Variants in ARHGAP42 observed in about 807,000 individuals in gnomAD.
ARHGAP42 encodes rho GTPase-activating protein 42.
ARHGAP42 carries 63 observed loss-of-function variants against 125.0 expected under a neutral mutation model. The observed-to-expected ratio is 0.50, with a 90% CI of 0.41 to 0.62. The LOEUF (loss-of-function observed/expected upper bound fraction) is 0.62. ARHGAP42 is among the 20% of genes least tolerant of loss of function. ARHGAP42 has a pLI of 0.00. For synonymous variants in ARHGAP42, 339 were observed against 351.0 expected (o/e 0.97, Z 0.38); for missense variants, 766 against 1,024.2 (o/e 0.75, Z 3.44).
chr11:100,753,111 A>G (rs185571400), intron 1 of ARHGAP42, among the ~76,000 whole-genome samples: 1 of 152,134 alleles, frequency 6.6e-6, no homozygotes, highest in Non-Finnish European at 1.5e-5. Flanking sequence ...TGGGTCAGGC[A>G]GGCCCTTGCT....
At chr11:100,805,332 A>G (rs1388887205) in intron 3 of ARHGAP42, among the ~76,000 whole-genome samples, 2 of 152,236 alleles carry the variant, frequency 1.3e-5, no homozygotes, top group Admixed American at 1.3e-4. Flanking sequence ...TGTTGATATC[A>G]TATGTAAGAT....
chr11:100,698,725 A>G (rs572653806), intron 1 of ARHGAP42, among the ~76,000 whole-genome samples: 1 of 152,272 alleles, frequency 6.6e-6, no homozygotes, highest in East Asian at 1.9e-4. Flanking sequence ...TCATTTTTTT[A>G]TAATTGGTTA....
rs1858303007 is a variant in ARHGAP42, at chr11:100,973,306, T to C, written c.1682T>C (p.Val561Ala). Residue 561 changes from valine to alanine, a missense_variant, in exon 18 of 24, where the codon GTA becomes GCA. By Grantham distance (64) the Val-to-Ala change is moderately conservative (BLOSUM62 0). This residue lies in a region of ARHGAP42 where 308 missense variants were observed against 369.7 expected (regional missense o/e 0.83). Coordinates refer to ENST00000298815, the MANE Select transcript of ARHGAP42 (RefSeq NM_152432.4). ...AATATTAAATTTCAGAATATTGTGG[T>C]AGAAATTCTGATAGAGCACTATGAA... is the stretch of plus-strand genomic sequence containing the variant. ...MMNIKFQNIV[V>A]EILIEHYEKI... 6.4e-7 allele frequency: 1 copy of C among 1,550,696 alleles called. No homozygotes were observed. Among genetic ancestry groups the C allele is most frequent in the South Asian group, 1.2e-5 (1 of 83,926 alleles).
At chr11:100,797,787 C>T (rs61890783) in intron 3 of ARHGAP42, among the ~76,000 whole-genome samples, 1 of 152,110 alleles carries the variant, frequency 6.6e-6, no homozygotes, top group Non-Finnish European at 1.5e-5. Context: ...TTAAGAAATA[C>T]ATTTTTTCAA....
chr11:100,723,554 A>G (rs1194043217), intron 1 of ARHGAP42, among the ~76,000 whole-genome samples: 2 of 151,844 alleles, frequency 1.3e-5, no homozygotes, highest in East Asian at 3.9e-4. Context: ...AATGATGTTG[A>G]GTTTTAAATT....
At chr11:100,774,873 T>TTTTTG (rs1429945235) in intron 2 of ARHGAP42, among the ~76,000 whole-genome samples, 1 of 152,110 alleles carries the variant, frequency 6.6e-6, no homozygotes, top group East Asian at 1.9e-4. Context: ...CTTGCTGGGT[T>TTTTTG]TTTTGTTTTG....
At chr11:100,844,130 C>G (rs1351510912) in intron 3 of ARHGAP42, among the ~76,000 whole-genome samples, 1 of 151,838 alleles carries the variant, frequency 6.6e-6, no homozygotes, top group Non-Finnish European at 1.5e-5. Context: ...AAAAGAGAAC[C>G]CAGAAATAGA....
At chr11:100,716,799 C>T (rs1267951796) in intron 1 of ARHGAP42, among the ~76,000 whole-genome samples, 2 of 151,824 alleles carry the variant, frequency 1.3e-5, no homozygotes, top group African/African-American at 4.8e-5. Flanking sequence ...AACCTCTGAC[C>T]CCCTTTAAAT....
Position 100,992,759 on chromosome 11 carries a change from C to G in ARHGAP42, c.*3958C>G. On this transcript the variant is annotated 3_prime_UTR_variant, in exon 24 of 24. Coordinates refer to ENST00000298815, the MANE Select transcript of ARHGAP42 (RefSeq NM_152432.4). ...TTTTTTATTTTTTGAGGGCAGCTGC[C>G]CTCACTGTTTTAAATAAAGAATCTT... 6.7e-7 allele frequency: 1 copy of G among 1,497,508 alleles called. No homozygotes were observed. The allele number at this position is 1,497,508 out of a possible 1,614,324, so 92.8% of individuals were successfully genotyped here.
At chr11:100,950,053 C>T in intron 12 of ARHGAP42, 97 bp downstream of exon 12, 2 of 637,930 alleles carry the variant, frequency 3.1e-6, no homozygotes, top group Non-Finnish European at 4.9e-6. Context: ...AATAGTATAA[C>T]ACCATTGATC....
chr11:100,921,201 TAATATATATATAC>T (rs1867235014), intron 5 of ARHGAP42, among the ~76,000 whole-genome samples: 1 of 61,172 alleles, frequency 1.6e-5, no homozygotes, highest in Non-Finnish European at 3.1e-5. Flanking sequence ...ACCCCTCTTG[TAATATATATATAC>T]ATATATATAT....
intron 2 of ARHGAP42, among the ~76,000 whole-genome samples, chr11:100,791,059 G>C (rs1348154146): frequency 6.6e-6 from 1 of 152,160 alleles, no homozygotes; most frequent in African/African-American, 2.4e-5. Flanking sequence ...CACAGTGATG[G>C]GTGCTGGGGG....
At chr11:100,924,267 C>A (rs938509501) in intron 6 of ARHGAP42, among the ~76,000 whole-genome samples, 2 of 152,022 alleles carry the variant, frequency 1.3e-5, no homozygotes, top group Non-Finnish European at 2.9e-5. Flanking sequence ...AAATAATATT[C>A]TTACCTTATG....
At chr11:100,962,926 A>T (rs959425043) in intron 16 of ARHGAP42, among the ~76,000 whole-genome samples, 1 of 152,198 alleles carries the variant, frequency 6.6e-6, no homozygotes, top group African/African-American at 2.4e-5. Context: ...GTAATTTATA[A>T]TGTGTTTTAG....
chr11:100,848,226 T>G (rs550405520), intron 3 of ARHGAP42, among the ~76,000 whole-genome samples: 1 of 152,324 alleles, frequency 6.6e-6, no homozygotes, highest in South Asian at 2.1e-4. Flanking sequence ...TATTCCTGAA[T>G]TATCCGAGAA....
chr11:100,775,136 A>G (rs1863088600), intron 2 of ARHGAP42, among the ~76,000 whole-genome samples: 1 of 152,110 alleles, frequency 6.6e-6, no homozygotes, highest in African/African-American at 2.4e-5. Flanking sequence ...TCATCTGCTC[A>G]CTGCAGTGCT....
At chr11:100,861,187 A>C (rs936795150) in intron 4 of ARHGAP42, among the ~76,000 whole-genome samples, 4 of 152,212 alleles carry the variant, frequency 2.6e-5, no homozygotes, top group Non-Finnish European at 4.4e-5. Flanking sequence ...AATGGTGGGA[A>C]GGGAAAAAAA....
chr11:100,694,793 C>A (rs906354988), intron 1 of ARHGAP42, among the ~76,000 whole-genome samples: 1 of 152,186 alleles, frequency 6.6e-6, no homozygotes, highest in African/African-American at 2.4e-5. Flanking sequence ...CTTTGGGAGG[C>A]TGAGGTGGGT....
chr11:100,899,898 C>T (rs1029597525), intron 4 of ARHGAP42, among the ~76,000 whole-genome samples: 2 of 151,700 alleles, frequency 1.3e-5, no homozygotes, highest in Admixed American at 6.6e-5. Flanking sequence ...GGCCTTTAGC[C>T]CATTCACATT....
Sources: gnomAD v4.1 joint callset for allele counts (sites outside exome capture counted in the v4.1 genomes callset) on GRCh38, gnomAD v4.1.1 for gene constraint, gnomAD v4.1.1 regional missense constraint, MANE v1.5 for transcripts, NCBI Gene and HGNC (gene_info 2026-07-23, HGNC 2026-07-21) for gene names.